Variants in ROCK2 observed in about 807,000 individuals in gnomAD.
ROCK2 encodes the protein Rho associated coiled-coil containing protein kinase 2.
A neutral mutation model predicts 195.1 loss-of-function variants in ROCK2; 61 were observed. That is an observed-to-expected ratio of 0.31 (90% CI 0.25 to 0.39). The LOEUF (loss-of-function observed/expected upper bound fraction) is 0.39, where lower values mean the gene tolerates loss of function less well. Ranked by LOEUF, ROCK2 falls within the 10% of genes least tolerant of loss-of-function variation. The pLI is 1.00. For synonymous variants in ROCK2, 504 were observed against 545.5 expected (o/e 0.92, Z 1.06); for missense variants, 1,109 against 1,637.4 (o/e 0.68, Z 5.57).
chr2:11,302,595 T>C (rs997143741), intron 1 of ROCK2, among the ~76,000 whole-genome samples: 3 of 152,208 alleles, frequency 2.0e-5, no homozygotes, highest in African/African-American at 7.2e-5. Flanking sequence ...TAGATTTGTA[T>C]TGTCCCATAG....
chr2:11,227,067 G>A (rs1397565244), intron 6 of ROCK2, among the ~76,000 whole-genome samples, 187 bp downstream of exon 6: 2 of 151,956 alleles, frequency 1.3e-5, no homozygotes. Context: ...CACCATGCCA[G>A]TATCAGGCTT....
chr2:11,238,982 T>TA lies in ROCK2; in HGVS notation c.463-3021dup, dbSNP rs1217405182. On this transcript the variant is annotated intron_variant, in intron 4 of 32. Transcript: ENST00000315872. ...GCAATTTAATGAGGGAAAAAATAAT[T>TA]AAAAAAAAAAAGTTTGAACAACTGG... Among the ~76,000 whole-genome samples, 170 of 145,434 alleles carry TA rather than the reference T, an allele frequency of 1.2e-3. 1 individual carries two copies. Among genetic ancestry groups the TA allele is most frequent in the African/African-American group, 3.3e-3 (133 of 39,820 alleles).
intron 5 of ROCK2, among the ~76,000 whole-genome samples, chr2:11,228,527 T>G (rs576274249): frequency 1.3e-5 from 2 of 152,262 alleles, no homozygotes; most frequent in African/African-American, 4.8e-5. Flanking sequence ...GGAGTAACAC[T>G]TTGTGTGGAT....
chr2:11,242,259 T>C (rs893049457), intron 4 of ROCK2, among the ~76,000 whole-genome samples: 20 of 152,068 alleles, frequency 1.3e-4, no homozygotes, highest in African/African-American at 3.6e-4. Context: ...GCTCTCAAGG[T>C]AGGGACAAAT....
chr2:11,292,323 T>A (rs1333029893), intron 1 of ROCK2, among the ~76,000 whole-genome samples: 2 of 152,166 alleles, frequency 1.3e-5, no homozygotes, highest in Non-Finnish European at 2.9e-5. Flanking sequence ...CTTTGCACCA[T>A]GTATTGTGCA....
At chr2:11,292,917 TA>T (rs1290735029) in intron 1 of ROCK2, among the ~76,000 whole-genome samples, 2 of 152,172 alleles carry the variant, frequency 1.3e-5, no homozygotes, top group East Asian at 1.9e-4. Context: ...AGATCTGGTT[TA>T]GAAGTGTGTA....
rs145712784 is a variant in ROCK2, at chr2:11,227,709, C to T, written c.724-311G>A. 2.6e-5 allele frequency among the ~76,000 whole-genome samples: 4 copies of T among 152,226 alleles called. No homozygotes were observed. The East Asian group carries it at 7.7e-4, about 29-fold the overall frequency. Reference sequence around the variant, plus strand: ...CAACTTTTCTTTTTCTTATTTCTTACACTACAGTTATGAGGTTAGTACAAA... The same window carrying T: ...CAACTTTTCTTTTTCTTATTTCTTATACTACAGTTATGAGGTTAGTACAAA... On this transcript the variant is annotated intron_variant, in intron 5 of 32. Transcript: ENST00000315872.
chr2:11,207,165 TGCAAA>T (rs1273094297), intron 20 of ROCK2, among the ~76,000 whole-genome samples: 1 of 152,164 alleles, frequency 6.6e-6, no homozygotes, highest in African/African-American at 2.4e-5. Flanking sequence ...ATGATCACAG[TGCAAA>T]GCAATCTCAC....
At chr2:11,277,536 C>T (rs543538084) in intron 3 of ROCK2, among the ~76,000 whole-genome samples, 6 of 152,166 alleles carry the variant, frequency 3.9e-5, no homozygotes, top group South Asian at 4.1e-4. Flanking sequence ...TATGCCTTTG[C>T]GTACTCATAG....
At chr2:11,320,788 C>T (rs1302142105) in intron 1 of ROCK2, among the ~76,000 whole-genome samples, 1 of 152,134 alleles carries the variant, frequency 6.6e-6, no homozygotes, top group Admixed American at 6.5e-5. Context: ...TTCCAGGTGA[C>T]CAGGTGACCA....
At chr2:11,225,920 TC>T (rs1178755410) in intron 6 of ROCK2, among the ~76,000 whole-genome samples, 4 of 152,140 alleles carry the variant, frequency 2.6e-5, no homozygotes, top group Non-Finnish European at 5.9e-5. Context: ...AAGACAGTCA[TC>T]AAGAGAAAAC....
chr2:11,334,248 T>C (rs1192466676), intron 1 of ROCK2, among the ~76,000 whole-genome samples: 1 of 152,122 alleles, frequency 6.6e-6, no homozygotes, highest in Non-Finnish European at 1.5e-5. Flanking sequence ...CGCAGTGACT[T>C]GAGCCTGTAA....
At chr2:11,287,380 T>C (rs1667232652) in intron 2 of ROCK2, among the ~76,000 whole-genome samples, 1 of 152,184 alleles carries the variant, frequency 6.6e-6, no homozygotes, top group African/African-American at 2.4e-5. Context: ...TTAAAACTTC[T>C]CTTCAAACTG....
chr2:11,258,849 T>C (rs1666126425), intron 3 of ROCK2, among the ~76,000 whole-genome samples: 1 of 150,804 alleles, frequency 6.6e-6, no homozygotes, highest in Non-Finnish European at 1.5e-5. Context: ...AGGACACTGG[T>C]GTTTGATGTG....
At chr2:11,229,310 T>C (rs1572273400) in intron 5 of ROCK2, among the ~76,000 whole-genome samples, 1 of 152,098 alleles carries the variant, frequency 6.6e-6, no homozygotes, top group Non-Finnish European at 1.5e-5. Flanking sequence ...AAAAGTGTCT[T>C]ATGTGGAAGC....
At chr2:11,270,727 T>C (rs2148164344) in intron 3 of ROCK2, among the ~76,000 whole-genome samples, 1 of 152,364 alleles carries the variant, frequency 6.6e-6, no homozygotes, top group African/African-American at 2.4e-5. Flanking sequence ...TCTATCTCTC[T>C]ACTCACATCA....
upstream of ROCK2, chr2:11,344,705 C>T (rs867176842): frequency 1.3e-4 from 19 of 148,726 alleles, no homozygotes; most frequent in South Asian, 3.4e-3. This position sits in a 1 kb window ranked among gnomAD's most constrained non-coding sequence, Gnocchi z 5.4. Context: ...CCCGCCGGCC[C>T]TGCGCGCGCT....
At chr2:11,195,121 T>A (rs1382559212) in intron 27 of ROCK2, 96 bp from the exon 28 acceptor site, 1 of 610,828 alleles carries the variant, frequency 1.6e-6, no homozygotes, top group Non-Finnish European at 2.8e-6. Flanking sequence ...ATAAAACAAA[T>A]AAAATATATC....
chr2:11,202,599 G>A (rs921488431), intron 20 of ROCK2, among the ~76,000 whole-genome samples: 4 of 151,944 alleles, frequency 2.6e-5, no homozygotes, highest in African/African-American at 7.3e-5. Context: ...CCGGGTTCAC[G>A]CCATTCGCCT....
Sources: gnomAD v4.1 joint callset for allele counts (sites outside exome capture counted in the v4.1 genomes callset) on GRCh38, gnomAD v4.1.1 for gene constraint, Gnocchi (gnomAD v3.1) non-coding constraint, MANE v1.5 for transcripts, NCBI Gene and HGNC (gene_info 2026-07-23, HGNC 2026-07-21) for gene names.